The following SMARCA2 variants were observed in gnomAD, a reference collection of about 807,000 sequenced individuals.
SMARCA2 encodes the protein SWI/SNF related BAF chromatin remodeling complex subunit ATPase 2.
In SMARCA2, 61 loss-of-function variants were observed where a neutral mutation model predicts 199.8. That is an observed-to-expected ratio of 0.31 (90% confidence interval 0.25 to 0.38). SMARCA2 has a LOEUF of 0.38. SMARCA2 is among the 10% of genes least tolerant of loss of function. The pLI is 1.00. For missense variants in SMARCA2, 1,344 were observed against 2,012.2 expected (o/e 0.67, Z 6.35); for synonymous variants, 935 against 732.0 (o/e 1.28, Z -4.48).
intron 32 of SMARCA2, among the ~76,000 whole-genome samples, chr9:2,188,444 C>A (rs372181265): frequency 2.6e-5 from 4 of 152,058 alleles, no homozygotes; most frequent in African/African-American, 9.7e-5. Context: ...GTGATTCTGC[C>A]TTTTATTTGT....
chr9:2,135,564 C>T (rs1175166195), intron 27 of SMARCA2, among the ~76,000 whole-genome samples: 1 of 152,194 alleles, frequency 6.6e-6, no homozygotes, highest in Non-Finnish European at 1.5e-5. Flanking sequence ...ACAGTAACCT[C>T]TAAAGTCACC....
At chr9:2,049,526 C>T (rs1219015686) in intron 5 of SMARCA2, among the ~76,000 whole-genome samples, 1 of 152,186 alleles carries the variant, frequency 6.6e-6, no homozygotes, top group African/African-American at 2.4e-5. Context: ...AATGCCTACT[C>T]TTTTGTAAAG....
chr9:2,041,130 T>G (rs896576124), intron 4 of SMARCA2: 4 of 381,580 alleles, frequency 1.0e-5, no homozygotes, highest in Non-Finnish European at 1.4e-5. Context: ...AGATTAGTAT[T>G]TTTTCATTAA....
chr9:2,162,113 A>G (rs1201820070), intron 28 of SMARCA2, among the ~76,000 whole-genome samples: 1 of 152,234 alleles, frequency 6.6e-6, no homozygotes, highest in Non-Finnish European at 1.5e-5. Context: ...AAGATAGTTG[A>G]AAATTTAGTT....
chr9:2,188,885 C>A (rs1239844569), intron 32 of SMARCA2, among the ~76,000 whole-genome samples: 1 of 152,212 alleles, frequency 6.6e-6, no homozygotes, highest in Non-Finnish European at 1.5e-5. Flanking sequence ...TGCTGGCTGC[C>A]AGTGGAAGGC....
chr9:2,039,842 G>T lies in SMARCA2; in HGVS notation c.732G>T (p.Pro244=). 4.3e-6 allele frequency: 7 copies of T among 1,612,822 alleles called. No individual in the cohort carries two copies. The highest frequency in any genetic ancestry group is 1.3e-5 in the African/African-American group (1 of 75,014). ...AACAGCAGCCGCAGCAGCAGCCGCC[G>T]CAACCACAGACGCAGCAACAACAGC... The part of the protein sequence containing the change: ...QQQQQPQQQP[P]QPQTQQQQQP... The change falls in exon 4 of 34, where the codon CCG becomes CCT. Residue 244 remains proline (P), a synonymous_variant. Transcript: ENST00000349721. The surrounding 1 kb of genome is among the most constrained non-coding windows in gnomAD (Gnocchi z 4.8).
chr9:2,084,407 TG>T (rs1563757708), intron 17 of SMARCA2, among the ~76,000 whole-genome samples: 2 of 150,854 alleles, frequency 1.3e-5, no homozygotes, highest in Non-Finnish European at 3.0e-5. Flanking sequence ...TGTGTGTGTG[TG>T]TGTGTGTGTT....
chr9:2,130,682 C>A (rs150285572), intron 27 of SMARCA2, among the ~76,000 whole-genome samples: 5 of 152,090 alleles, frequency 3.3e-5, no homozygotes, highest in East Asian at 1.9e-4. Context: ...TATTTGCATG[C>A]GCAATTATAC....
rs1284267027 is a variant in SMARCA2 at position 2,016,552 on chromosome 9, G to T, written c.-37+1148G>T. 6.6e-6 allele frequency: 1 copy of T among 152,342 alleles called. No individual in the cohort carries two copies. Among genetic ancestry groups the T allele is most frequent in the Non-Finnish European group, 1.5e-5 (1 of 68,198 alleles). 9.4% of individuals were successfully genotyped at this position (152,342 alleles called of 1,614,324 possible). A position where few individuals can be genotyped will look rare whatever the true frequency, so the allele number is the denominator to read the frequency against. On this transcript the variant is annotated intron_variant, in intron 1 of 33. Coordinates refer to ENST00000349721, the MANE Select transcript of SMARCA2 (RefSeq NM_003070.5). This position sits in a 1 kb window ranked among gnomAD's most constrained non-coding sequence, Gnocchi z 5.6. ...AGGAGAGCCACGGCGGCGGCTGCGGGCCCGGGAGGCCATGATCCGGATAAT... is the reference window on the plus strand; with the variant it reads ...AGGAGAGCCACGGCGGCGGCTGCGGTCCCGGGAGGCCATGATCCGGATAAT...
intron 27 of SMARCA2, among the ~76,000 whole-genome samples, chr9:2,127,999 A>G (rs1823772065): frequency 1.3e-5 from 2 of 152,106 alleles, no homozygotes; most frequent in South Asian, 4.2e-4. Flanking sequence ...TTGTTTTGAA[A>G]TTCCTATTTC....
At chr9:2,178,694 T>C (rs1257988413) in intron 29 of SMARCA2, among the ~76,000 whole-genome samples, 2 of 152,154 alleles carry the variant, frequency 1.3e-5, no homozygotes, top group African/African-American at 4.8e-5. Flanking sequence ...ACTGTCAGGC[T>C]GCTTCACTTC....
chr9:2,150,039 T>C (rs1824980717), intron 27 of SMARCA2, among the ~76,000 whole-genome samples: 3 of 151,628 alleles, frequency 2.0e-5, no homozygotes, highest in African/African-American at 7.3e-5. Context: ...TGTATTTATG[T>C]ATGTGTACAT....
chr9:2,130,892 C>T (rs1231296902), intron 27 of SMARCA2, among the ~76,000 whole-genome samples: 1 of 152,200 alleles, frequency 6.6e-6, no homozygotes, highest in South Asian at 2.1e-4. Context: ...GCCCTGTGTA[C>T]ACTGGCTGTG....
chr9:2,147,573 T>C (rs1391332706), intron 27 of SMARCA2, among the ~76,000 whole-genome samples: 2 of 152,144 alleles, frequency 1.3e-5, no homozygotes, highest in East Asian at 1.9e-4. Flanking sequence ...GTTCTGGGCG[T>C]GGTGGCTCAC....
intron 22 of SMARCA2, among the ~76,000 whole-genome samples, 169 bp downstream of exon 22, chr9:2,101,785 G>A (rs374798385): frequency 6.6e-6 from 1 of 152,242 alleles, no homozygotes; most frequent in East Asian, 1.9e-4. Flanking sequence ...TACTTTACTG[G>A]CATAAATTAT....
At chr9:2,152,877 A>T (rs1825149193) in intron 27 of SMARCA2, among the ~76,000 whole-genome samples, 1 of 152,056 alleles carries the variant, frequency 6.6e-6, no homozygotes, top group South Asian at 2.1e-4. Context: ...AAAAGAATTT[A>T]TAAAAAATAA....
At position 2,029,264 on chromosome 9, in the gene SMARCA2, C is replaced by G. The variant is rs775788069; in HGVS notation, c.225+17C>G. On this transcript the variant is annotated intron_variant, in intron 2 of 33. Transcript: ENST00000349721. Reference sequence around the variant, plus strand: ...ATGCATAAGGTAAGAGTTTGTTCTCCCATTCAAACTCAACTTCTGATAAGT... The same window carrying G: ...ATGCATAAGGTAAGAGTTTGTTCTCGCATTCAAACTCAACTTCTGATAAGT... 7.5e-6 allele frequency: 12 copies of G among 1,598,580 alleles called. No homozygotes were observed. The highest frequency in any genetic ancestry group is 1.0e-5 in the Non-Finnish European group (12 of 1,171,034).
chr9:2,108,293 A>G (rs1822849558), intron 23 of SMARCA2, among the ~76,000 whole-genome samples: 1 of 152,246 alleles, frequency 6.6e-6, no homozygotes, highest in African/African-American at 2.4e-5. Context: ...TCTGTAAAGT[A>G]GCCAGTGAAG....
rs564542375 is a variant in SMARCA2 at position 2,170,155 on chromosome 9, G to A, written c.4200-264G>A. ...GAACAGTGAATGGAACATGTAAGAG[G>A]GAACAGGGTAACAGGAATTTCTGTG... On this transcript the variant is annotated intron_variant, in intron 28 of 33. Coordinates refer to ENST00000349721, the MANE Select transcript of SMARCA2 (RefSeq NM_003070.5). The surrounding 1 kb of genome is among the most constrained non-coding windows in gnomAD (Gnocchi z 4.7). 9.8e-4 allele frequency among the ~76,000 whole-genome samples: 149 copies of A among 152,274 alleles called. No homozygotes were observed. The highest frequency in any genetic ancestry group is 2.9e-3 in the African/African-American group (119 of 41,554).
Sources: gnomAD v4.1 joint callset for allele counts (sites outside exome capture counted in the v4.1 genomes callset) on GRCh38, gnomAD v4.1.1 for gene constraint, Gnocchi (gnomAD v3.1) non-coding constraint, MANE v1.5 for transcripts, NCBI Gene and HGNC (gene_info 2026-07-23, HGNC 2026-07-21) for gene names.